Variants in EBF2 observed in about 807,000 individuals in gnomAD.
EBF2 encodes the protein transcription factor COE2.
A neutral mutation model predicts 72.8 loss-of-function variants in EBF2; 21 were observed. The observed-to-expected ratio is 0.29, with a 90% CI of 0.20 to 0.42. The LOEUF (loss-of-function observed/expected upper bound fraction) is 0.42, where lower values mean the gene tolerates loss of function less well. EBF2 is among the 10% of genes least tolerant of loss of function. EBF2 has a pLI of 1.00. For synonymous variants in EBF2, 299 were observed against 274.2 expected (o/e 1.09, Z -0.89); for missense variants, 637 against 731.2 (o/e 0.87, Z 1.49).
chr8:25,877,807 C>T (rs1431909300), intron 10 of EBF2, among the ~76,000 whole-genome samples: 3 of 152,048 alleles, frequency 2.0e-5, no homozygotes, highest in Admixed American at 6.5e-5. Context: ...TCGTAAGAAC[C>T]CTCCCACGGG....
chr8:25,983,240 G>A (rs1455863733), intron 6 of EBF2, among the ~76,000 whole-genome samples: 1 of 152,158 alleles, frequency 6.6e-6, no homozygotes, highest in African/African-American at 2.4e-5. Context: ...AAGAATCTAT[G>A]AAAGCATGGA....
At chr8:25,846,199 C>T (rs1050525126) in intron 15 of EBF2, among the ~76,000 whole-genome samples, 2 of 152,078 alleles carry the variant, frequency 1.3e-5, no homozygotes, top group Non-Finnish European at 2.9e-5. Flanking sequence ...TATAGCAACC[C>T]TAGTAATTAT....
At chr8:25,910,991 C>T (rs943824634) in intron 6 of EBF2, among the ~76,000 whole-genome samples, 7 of 152,086 alleles carry the variant, frequency 4.6e-5, no homozygotes, top group African/African-American at 1.7e-4. Context: ...GGCTTACTGA[C>T]ATCTCCATTT....
At chr8:25,907,232 A>G (rs946766497) in intron 7 of EBF2, among the ~76,000 whole-genome samples, 3 of 152,044 alleles carry the variant, frequency 2.0e-5, no homozygotes, top group Non-Finnish European at 2.9e-5. Flanking sequence ...CAACCTGGGC[A>G]ACATGGCAAA....
chr8:26,005,846 A>G (rs1263044173), intron 6 of EBF2, among the ~76,000 whole-genome samples: 1 of 140,038 alleles, frequency 7.1e-6, no homozygotes, highest in African/African-American at 2.7e-5. Flanking sequence ...AAAAAAAAAA[A>G]GATTTTAAAA....
chr8:25,920,061 T>G (rs532548268), intron 6 of EBF2, among the ~76,000 whole-genome samples: 1 of 152,304 alleles, frequency 6.6e-6, no homozygotes, highest in Admixed American at 6.5e-5. Flanking sequence ...AAGAGCTTTC[T>G]GTGTTTCTAG....
rs960205230 is a variant in EBF2 at position 25,862,639 on chromosome 8, C to T, written c.1098+70G>A. 18 of 1,287,510 alleles carry T rather than the reference C, an allele frequency of 1.4e-5. No homozygotes were observed. The Admixed American group carries it at 3.8e-4, about 27-fold the overall frequency. 79.8% of individuals were successfully genotyped at this position (1,287,510 alleles called of 1,614,324 possible). On this transcript the variant is annotated intron_variant, in intron 11 of 15. Transcript: ENST00000520164. ...AATTAATTTTAATGGGATGTAAATG[C>T]CTGCATTTGTCTAAGTTTCCTGAAA... is the stretch of plus-strand genomic sequence containing the variant.
chr8:25,854,187 G>A (rs957670465), intron 14 of EBF2, among the ~76,000 whole-genome samples: 3 of 147,962 alleles, frequency 2.0e-5, no homozygotes, highest in Non-Finnish European at 1.5e-5. Context: ...ATTTAAGGCT[G>A]TACTACTTAT....
chr8:25,866,733 G>A (rs2117268791), intron 10 of EBF2, among the ~76,000 whole-genome samples: 1 of 148,818 alleles, frequency 6.7e-6, no homozygotes, highest in Admixed American at 6.8e-5. Flanking sequence ...CCAGGTTCAA[G>A]CGATTCTCCT....
rs1683647462 is a variant in EBF2 at position 25,870,391 on chromosome 8, C to T, written c.1010-7594G>A. Among the ~76,000 whole-genome samples the T allele has an allele frequency of 7.2e-5, 11 of 151,926 alleles. 1 individual carries two copies. The highest frequency in any genetic ancestry group is 7.2e-4 in the Admixed American group (11 of 15,242). ...TAACCCATAAGGCAGAAAATATAAC[C>T]CCTCCCCGACTCCATTTCTGCCTTT... On this transcript the variant is annotated intron_variant, in intron 10 of 15. Coordinates refer to ENST00000520164, the MANE Select transcript of EBF2 (RefSeq NM_022659.4).
At chr8:25,879,556 A>G (rs1454586510) in intron 10 of EBF2, among the ~76,000 whole-genome samples, 1 of 152,116 alleles carries the variant, frequency 6.6e-6, no homozygotes, top group East Asian at 1.9e-4. Context: ...TGTCTTTGAA[A>G]CACTAGAGAT....
intron 6 of EBF2, among the ~76,000 whole-genome samples, chr8:25,950,630 A>T (rs972959919): frequency 6.6e-6 from 1 of 152,234 alleles, no homozygotes; most frequent in African/African-American, 2.4e-5. Context: ...AAAAACAAAA[A>T]GATTGGGTCT....
At position 25,845,291 on chromosome 8, in the gene EBF2, T is replaced by C. The variant is rs1801809776; in HGVS notation, c.1697-651A>G. On this transcript the variant is annotated intron_variant, in intron 15 of 15. Coordinates refer to ENST00000520164, the MANE Select transcript of EBF2 (RefSeq NM_022659.4). ...TTCTGTCACCCAGGCTGGAGTGCAGTGGGGCCATCTCAGCTCACTGCAACC... is the reference window on the plus strand; with the variant it reads ...TTCTGTCACCCAGGCTGGAGTGCAGCGGGGCCATCTCAGCTCACTGCAACC... 3.9e-5 allele frequency among the ~76,000 whole-genome samples: 6 copies of C among 152,260 alleles called. No homozygotes were observed. The South Asian group carries it at 1.2e-3, about 32-fold the overall frequency.
intron 6 of EBF2, among the ~76,000 whole-genome samples, chr8:25,991,108 A>G (rs1490595001): frequency 6.8e-6 from 1 of 147,210 alleles, no homozygotes; most frequent in East Asian, 2.6e-4. Flanking sequence ...AGTAGTGTGA[A>G]AAAAATAAAA....
chr8:26,002,154 G>T (rs1804738489), intron 6 of EBF2, among the ~76,000 whole-genome samples: 1 of 152,124 alleles, frequency 6.6e-6, no homozygotes, highest in Admixed American at 6.5e-5. Context: ...TGGAATCAAA[G>T]GTGCCAGCCC....
At chr8:25,953,350 G>A (rs1439895081) in intron 6 of EBF2, among the ~76,000 whole-genome samples, 1 of 152,204 alleles carries the variant, frequency 6.6e-6, no homozygotes, top group Non-Finnish European at 1.5e-5. Context: ...GGAATGAATG[G>A]AAACATGATT....
chr8:25,986,676 T>TA (rs11348975), intron 6 of EBF2, among the ~76,000 whole-genome samples: 22 of 151,436 alleles, frequency 1.5e-4, no homozygotes, highest in East Asian at 1.9e-4. Context: ...ACAACAACTT[T>TA]AAAAAAAAAC....
chr8:25,920,245 G>A (rs772665006), intron 6 of EBF2, among the ~76,000 whole-genome samples: 13 of 152,144 alleles, frequency 8.5e-5, no homozygotes, highest in Admixed American at 6.5e-5. Flanking sequence ...CTCATATCCC[G>A]TTTTGAGTGG....
intron 6 of EBF2, among the ~76,000 whole-genome samples, chr8:25,929,173 A>G (rs888919360): frequency 1.3e-5 from 2 of 152,194 alleles, no homozygotes; most frequent in African/African-American, 2.4e-5. Flanking sequence ...TACTCACGAC[A>G]GTCCTGTGAG....
Sources: allele counts gnomAD v4.1 joint callset (sites outside exome capture counted in the v4.1 genomes callset), GRCh38; gene constraint gnomAD v4.1.1; transcripts MANE v1.5; gene names NCBI Gene and HGNC (gene_info 2026-07-23, HGNC 2026-07-21).